DLGAP1: variants seen among roughly 807,000 people sequenced by gnomAD.
The protein encoded by DLGAP1 is disks large-associated protein 1.
DLGAP1 carries 11 observed loss-of-function variants against 90.8 expected under a neutral mutation model. The ratio of observed to expected loss-of-function variants is 0.12; its 90% CI spans 0.08 to 0.20. The LOEUF (loss-of-function observed/expected upper bound fraction) is 0.20. Ranked by LOEUF, DLGAP1 falls within the 10% of genes least tolerant of loss-of-function variation. DLGAP1 has a pLI of 1.00. For synonymous variants in DLGAP1, 558 were observed against 540.7 expected (o/e 1.03, Z -0.44); for missense variants, 1,050 against 1,333.8 (o/e 0.79, Z 3.31).
chr18:3,837,767 G>T (rs2068475184), intron 4 of DLGAP1, among the ~76,000 whole-genome samples: 1 of 135,758 alleles, frequency 7.4e-6, no homozygotes, highest in Admixed American at 8.6e-5. Flanking sequence ...CACGAGAATT[G>T]CTTGAACCTG....
intron 7 of DLGAP1, among the ~76,000 whole-genome samples, chr18:3,622,668 T>C (rs1448909764): frequency 2.0e-5 from 3 of 152,198 alleles, no homozygotes; most frequent in Non-Finnish European, 4.4e-5. Flanking sequence ...CTCTCATCTT[T>C]CCCCAATTTC....
intron 7 of DLGAP1, among the ~76,000 whole-genome samples, chr18:3,678,338 TTATC>T (rs1365799946): frequency 1.3e-5 from 2 of 152,018 alleles, no homozygotes; most frequent in Non-Finnish European, 2.9e-5. Context: ...CTGCTTGGAA[TTATC>T]TCTCTATCTC....
chr18:3,639,107 G>A (rs564237620), intron 7 of DLGAP1, among the ~76,000 whole-genome samples: 32 of 152,274 alleles, frequency 2.1e-4, no homozygotes, highest in Admixed American at 5.2e-4. Flanking sequence ...TGTAATCCCA[G>A]CACTTTGGGA....
chr18:3,758,093 C>A (rs1190366911), intron 5 of DLGAP1, among the ~76,000 whole-genome samples: 1 of 137,090 alleles, frequency 7.3e-6, no homozygotes, highest in Admixed American at 8.0e-5. Flanking sequence ...GGTGACAGAG[C>A]GAGACTCTAT....
intron 3 of DLGAP1, chr18:3,978,187 G>T: frequency 2.4e-6 from 1 of 422,702 alleles, no homozygotes; most frequent in Non-Finnish European, 4.6e-6. Flanking sequence ...CACAGGAGGC[G>T]TTGCCGATGA....
At chr18:4,429,103 C>A (rs1256858583) in intron 1 of DLGAP1, among the ~76,000 whole-genome samples, 5 of 152,148 alleles carry the variant, frequency 3.3e-5, no homozygotes, top group Non-Finnish European at 7.3e-5. Context: ...CTCTATAATA[C>A]CTTTGCAATG....
intron 2 of DLGAP1, among the ~76,000 whole-genome samples, chr18:4,123,641 G>A (rs1411055154): frequency 6.6e-6 from 1 of 152,166 alleles, no homozygotes; most frequent in African/African-American, 2.4e-5. Flanking sequence ...GCTGCTGAAC[G>A]AACAGAGCAT....
chr18:3,667,307 G>T (rs911289190), intron 7 of DLGAP1, among the ~76,000 whole-genome samples: 4 of 152,072 alleles, frequency 2.6e-5, no homozygotes, highest in Non-Finnish European at 5.9e-5. Context: ...TCAAACTCCT[G>T]ACCTCGAACG....
chr18:4,370,332 G>A (rs1207689467), intron 1 of DLGAP1, among the ~76,000 whole-genome samples: 4 of 152,148 alleles, frequency 2.6e-5, no homozygotes, highest in Admixed American at 6.5e-5. Flanking sequence ...ACATTCTGAC[G>A]GAGAGGTTCA....
intron 4 of DLGAP1, among the ~76,000 whole-genome samples, chr18:3,820,518 C>T (rs1475604143): frequency 6.6e-6 from 1 of 152,126 alleles, no homozygotes; most frequent in Non-Finnish European, 1.5e-5. Context: ...GCACAGTTAC[C>T]CCTCAGCAGC....
At chr18:3,572,676 C>T (rs1568220201) in intron 8 of DLGAP1, among the ~76,000 whole-genome samples, 1 of 152,290 alleles carries the variant, frequency 6.6e-6, no homozygotes, top group Admixed American at 6.5e-5. Context: ...TCTCAAACTC[C>T]TGATCTCAAG....
At chr18:4,390,257 G>C (rs1339349600) in intron 1 of DLGAP1, among the ~76,000 whole-genome samples, 1 of 151,870 alleles carries the variant, frequency 6.6e-6, no homozygotes, top group African/African-American at 2.4e-5. Context: ...AAAATTGAAA[G>C]GAAAGGACAG....
chr18:3,758,409 G>A lies in DLGAP1; in HGVS notation c.1173-15897C>T, dbSNP rs147518411. ...TTTCTATGAAGCTATAATAACGGGA[G>A]CTTCAGTTTACAGTGAATCTCTTGA... On this transcript the variant is annotated intron_variant, in intron 5 of 12. Transcript: ENST00000315677. Among the ~76,000 whole-genome samples, 283 of 152,248 alleles carry A rather than the reference G, an allele frequency of 1.9e-3. 1 individual carries two copies. Among genetic ancestry groups the A allele is most frequent in the African/African-American group, 6.2e-3 (258 of 41,546 alleles).
At chr18:4,258,715 C>T (rs2078946140) in intron 1 of DLGAP1, among the ~76,000 whole-genome samples, 1 of 152,132 alleles carries the variant, frequency 6.6e-6, no homozygotes, top group East Asian at 1.9e-4. Flanking sequence ...AACTGATCAT[C>T]GTTCATTACG....
At chr18:3,506,552 CA>C (rs60692504) in intron 11 of DLGAP1, among the ~76,000 whole-genome samples, 1,039 of 101,232 alleles carry the variant, frequency 0.01, 8 homozygotes, top group African/African-American at 0.025. Flanking sequence ...AACTCCATGT[CA>C]AAAAAAAAAA....
chr18:3,967,421 C>T (rs542086577), intron 3 of DLGAP1, among the ~76,000 whole-genome samples: 1 of 152,352 alleles, frequency 6.6e-6, no homozygotes, highest in African/African-American at 2.4e-5. Flanking sequence ...GATCAACAGA[C>T]TCTGCAGAAC....
At chr18:4,226,901 A>G (rs1234477329) in intron 1 of DLGAP1, among the ~76,000 whole-genome samples, 1 of 151,956 alleles carries the variant, frequency 6.6e-6, no homozygotes, top group Non-Finnish European at 1.5e-5. Context: ...CTCTCCCATC[A>G]AAAGACATAG....
chr18:4,434,569 A>G (rs1383817442), intron 1 of DLGAP1, among the ~76,000 whole-genome samples: 2 of 152,106 alleles, frequency 1.3e-5, no homozygotes, highest in Non-Finnish European at 2.9e-5. Flanking sequence ...TTCTAGCATT[A>G]CCTTCTTGTG....
intron 3 of DLGAP1, among the ~76,000 whole-genome samples, chr18:3,990,614 C>T (rs1363738504): frequency 3.0e-5 from 4 of 134,160 alleles, no homozygotes; most frequent in African/African-American, 8.7e-5. Context: ...GCACATGTAC[C>T]CTAAAACTTA....
Sources: gnomAD v4.1 joint callset for allele counts (sites outside exome capture counted in the v4.1 genomes callset) on GRCh38, gnomAD v4.1.1 for gene constraint, MANE v1.5 for transcripts, NCBI Gene and HGNC (gene_info 2026-07-23, HGNC 2026-07-21) for gene names.